The following CTDSP2 variants were observed in gnomAD, a reference collection of about 807,000 sequenced individuals.
The protein encoded by CTDSP2 is carboxy-terminal domain RNA polymerase II polypeptide A small phosphatase 2.
CTDSP2 carries 9 observed loss-of-function variants against 31.6 expected under a neutral mutation model. That is an observed-to-expected ratio of 0.28 (90% CI 0.17 to 0.50). The LOEUF (loss-of-function observed/expected upper bound fraction) is 0.50, where lower values mean the gene tolerates loss of function less well. Ranked by LOEUF, CTDSP2 falls within the 20% of genes least tolerant of loss-of-function variation. The pLI, the probability that CTDSP2 is intolerant of heterozygous loss-of-function variation, is 0.98. For missense variants in CTDSP2, 267 were observed against 348.5 expected (o/e 0.77, Z 1.86); for synonymous variants, 134 against 134.5 (o/e 1.00, Z 0.03).
intron 1 of CTDSP2, among the ~76,000 whole-genome samples, chr12:57,833,429 C>T (rs966594665): frequency 1.3e-5 from 2 of 152,240 alleles, no homozygotes; most frequent in African/African-American, 4.8e-5. Context: ...AAGGTCAATA[C>T]CTCAGGCATC....
intron 2 of CTDSP2, 81 bp from the exon 3 acceptor site, chr12:57,827,671 T>C: frequency 7.0e-7 from 1 of 1,427,816 alleles, no homozygotes; most frequent in Non-Finnish European, 9.8e-7. Context: ...GTCTTAAGCC[T>C]GGAGGGCAAC....
intron 1 of CTDSP2, among the ~76,000 whole-genome samples, chr12:57,830,636 AAC>A (rs1294622439): frequency 1.3e-5 from 2 of 152,184 alleles, no homozygotes. Context: ...AGCCCCTTAG[AAC>A]ACACATTCGC....
chr12:57,823,698 C>T lies in CTDSP2; in HGVS notation c.720G>A (p.Met240Ile). 6.2e-7 allele frequency: 1 copy of T among 1,614,094 alleles called. No individual in the cohort carries two copies. Among genetic ancestry groups the T allele is most frequent in the Non-Finnish European group, 8.5e-7 (1 of 1,180,022 alleles). ...TCAGGTTCAGCAACTCAGTGTCTGC[C>T]ATGTCATCAAACCAGGACTGCACAG... ...AVPVQSWFDD[M>I]ADTELLNLIP... The change falls in exon 8 of 8, where the codon ATG becomes ATA. Residue 240 changes from methionine to isoleucine, a missense_variant. This residue lies in a region of CTDSP2 where 156 missense variants were observed against 241.3 expected (regional missense o/e 0.65). Coordinates refer to ENST00000398073, the MANE Select transcript of CTDSP2 (RefSeq NM_005730.4).
intron 5 of CTDSP2, 81 bp downstream of exon 5, chr12:57,826,264 TG>T (rs1210193880): frequency 1.1e-5 from 13 of 1,164,082 alleles, no homozygotes; most frequent in Non-Finnish European, 1.6e-5. Context: ...AGCCCTGAGA[TG>T]GGTGGAGGAC....
intron 1 of CTDSP2, 112 bp downstream of exon 1, chr12:57,846,260 G>T: frequency 1.0e-6 from 1 of 980,442 alleles, no homozygotes; most frequent in Non-Finnish European, 1.5e-6. Flanking sequence ...GTCCAGTCGG[G>T]ATCGCTGGCT....
At chr12:57,833,005 G>A (rs1396711716) in intron 1 of CTDSP2, among the ~76,000 whole-genome samples, 2 of 152,124 alleles carry the variant, frequency 1.3e-5, no homozygotes, top group East Asian at 3.9e-4. Flanking sequence ...CTGAACCATC[G>A]CTTTCCCTTT....
chr12:57,846,461 G>C lies in CTDSP2; in HGVS notation c.-26C>G. 1.3e-6 allele frequency: 2 copies of C among 1,556,350 alleles called. No individual in the cohort carries two copies. ...CTAACAATCCCGCGGGCCCGGGCTG[G>C]CTGGGCGGGAGGACGGGCGGGCGCG... On this transcript the variant is annotated 5_prime_UTR_variant, in exon 1 of 8. Transcript: ENST00000398073.
intron 4 of CTDSP2, 30 bp from the exon 5 acceptor site, chr12:57,826,432 C>T (rs759887983): frequency 3.1e-6 from 5 of 1,611,374 alleles, no homozygotes; most frequent in South Asian, 2.2e-5. Flanking sequence ...ATGCTGTCAG[C>T]ATGGTGGCAA....
intron 7 of CTDSP2, 30 bp from the exon 8 acceptor site, chr12:57,823,757 C>G: frequency 6.2e-7 from 1 of 1,613,138 alleles, no homozygotes; most frequent in Non-Finnish European, 8.5e-7. Context: ...GTGTCAATCT[C>G]CCGACTGCTG....
chr12:57,826,210 G>A (rs773688590), intron 5 of CTDSP2, 136 bp downstream of exon 5: 5 of 564,858 alleles, frequency 8.9e-6, no homozygotes, highest in Non-Finnish European at 1.5e-5. Flanking sequence ...CCAATAAAAA[G>A]GGGAGGCTGG....
At chr12:57,838,527 T>C (rs1431062203) in intron 1 of CTDSP2, among the ~76,000 whole-genome samples, 4 of 152,244 alleles carry the variant, frequency 2.6e-5, no homozygotes, top group African/African-American at 7.2e-5. Context: ...TGCTGTGCCC[T>C]TGACTCCTGG....
At chr12:57,830,398 CAAAA>C (rs904620633) in intron 1 of CTDSP2, among the ~76,000 whole-genome samples, 15 of 151,754 alleles carry the variant, frequency 9.9e-5, no homozygotes, top group Admixed American at 6.6e-5. Context: ...AAAACAACAA[CAAAA>C]ACAAACAAAC....
chr12:57,845,374 T>A (rs977642262), intron 1 of CTDSP2: 1 of 152,050 alleles, frequency 6.6e-6, no homozygotes, highest in Non-Finnish European at 1.5e-5. Flanking sequence ...GTGACCAAAC[T>A]AAGAGGTTCC....
chr12:57,839,529 T>C (rs558667401), intron 1 of CTDSP2, among the ~76,000 whole-genome samples: 20 of 152,188 alleles, frequency 1.3e-4, no homozygotes, highest in Admixed American at 6.5e-4. Flanking sequence ...CCATCCTGGC[T>C]AACACAGTGA....
chr12:57,833,760 T>C (rs1377984389), intron 1 of CTDSP2, among the ~76,000 whole-genome samples: 4 of 152,204 alleles, frequency 2.6e-5, no homozygotes, highest in African/African-American at 7.2e-5. Context: ...AAGAGTTAGA[T>C]AGAGAAGCCT....
intron 1 of CTDSP2, among the ~76,000 whole-genome samples, chr12:57,841,097 T>A (rs958225301): frequency 6.6e-6 from 1 of 152,214 alleles, no homozygotes; most frequent in Non-Finnish European, 1.5e-5. Flanking sequence ...AATGTGCTCA[T>A]CTGCATCCCA....
chr12:57,830,164 G>T (rs914521020), intron 1 of CTDSP2, among the ~76,000 whole-genome samples: 1 of 152,266 alleles, frequency 6.6e-6, no homozygotes, highest in Admixed American at 6.5e-5. Flanking sequence ...AGCGGGTGGA[G>T]CACGAGGTCA....
intron 1 of CTDSP2, among the ~76,000 whole-genome samples, chr12:57,845,731 G>A (rs915136079): frequency 6.6e-6 from 1 of 152,168 alleles, no homozygotes; most frequent in Non-Finnish European, 1.5e-5. Context: ...GAGGCAGCCG[G>A]GAGGGAGCCC....
chr12:57,823,750 T>C, intron 7 of CTDSP2, 23 bp from the exon 8 acceptor site: 1 of 1,613,348 alleles, frequency 6.2e-7, no homozygotes, highest in Middle Eastern at 1.6e-4. Flanking sequence ...AGATGTGGTG[T>C]CAATCTCCCG....
Sources: allele counts gnomAD v4.1 joint callset (sites outside exome capture counted in the v4.1 genomes callset), GRCh38; gene constraint gnomAD v4.1.1; regional missense constraint gnomAD v4.1.1; transcripts MANE v1.5; gene names NCBI Gene and HGNC (gene_info 2026-07-23, HGNC 2026-07-21).